Variants in CALCR observed in about 807,000 individuals in gnomAD.
CALCR encodes calcitonin receptor.
A neutral mutation model predicts 59.5 loss-of-function variants in CALCR; 47 were observed. That is an observed-to-expected ratio of 0.79 (90% confidence interval 0.63 to 1.01). CALCR has a LOEUF of 1.01. Ranked by LOEUF, CALCR falls within the 50% of genes least tolerant of loss-of-function variation. CALCR has a pLI of 0.00. For missense variants in CALCR, 566 were observed against 597.1 expected, an observed-to-expected ratio of 0.95 and a Z score of 0.54; for synonymous variants, 213 against 211.3, an observed-to-expected ratio of 1.01 and a Z score of -0.07.
chr7:93,443,430 T>C (rs933353292), intron 9 of CALCR, among the ~76,000 whole-genome samples, 174 bp downstream of exon 9: 7 of 152,068 alleles, frequency 4.6e-5, no homozygotes, highest in Non-Finnish European at 8.8e-5. Context: ...TTGAGATTGT[T>C]AAAGGGCTTC....
Position 93,528,934 on chromosome 7 carries a change from T to A in CALCR, c.-26-41927A>T, listed in dbSNP as rs140663207. Among the ~76,000 whole-genome samples the A allele has an allele frequency of 2.2e-3, 329 of 152,314 alleles. 5 individuals carry two copies. Among genetic ancestry groups the A allele is most frequent in the African/African-American group, 7.5e-3 (311 of 41,574 alleles). On this transcript the variant is annotated intron_variant, in intron 2 of 13. Transcript: ENST00000426151. Reference sequence around the variant, plus strand: ...AATTTGGCTTTATTTCTGTAAGAAATCTTGGTCTTCAATTTATTTTGTAGT... The same window carrying A: ...AATTTGGCTTTATTTCTGTAAGAAAACTTGGTCTTCAATTTATTTTGTAGT...
rs1801126920 is a variant in CALCR, at chr7:93,493,372, G to C, written c.-26-6365C>G. On this transcript the variant is annotated intron_variant, in intron 2 of 13. Coordinates refer to ENST00000426151, the MANE Select transcript of CALCR (RefSeq NM_001742.4). ...TTCCACAATTATCCATGAATTGTAT[G>C]AATGAGAAAGTTGGGATCATTCCTG... Among the ~76,000 whole-genome samples the C allele has an allele frequency of 2.0e-5, 3 of 151,334 alleles. No homozygotes were observed. In the Admixed American group the frequency reaches 2.0e-4, roughly 10 times the overall value.
At chr7:93,496,043 G>A in intron 2 of CALCR, 1 of 800,682 alleles carries the variant, frequency 1.2e-6, no homozygotes, top group Non-Finnish European at 1.9e-6. Context: ...TCATGTAAGG[G>A]GAACAAATTT....
chr7:93,435,730 C>T lies in CALCR; in HGVS notation c.1149+222G>A, dbSNP rs1044741801. Among the ~76,000 whole-genome samples the T allele has an allele frequency of 6.0e-5, 9 of 151,178 alleles. No homozygotes were observed. The East Asian group carries it at 9.7e-4, about 16-fold the overall frequency. ...CTGAGGTGGGAGAATTGCTTGAGCC[C>T]GGGAGATGGAGGTTGCAGTGAGTTG... On this transcript the variant is annotated intron_variant, in intron 12 of 13. Transcript: ENST00000426151.
chr7:93,509,552 G>T (rs1019015845), intron 2 of CALCR, among the ~76,000 whole-genome samples: 1 of 152,084 alleles, frequency 6.6e-6, no homozygotes, highest in Non-Finnish European at 1.5e-5. Flanking sequence ...GAGGCCAACT[G>T]CTTTCAAAGC....
At chr7:93,457,972 C>T (rs1254202514) in intron 8 of CALCR, among the ~76,000 whole-genome samples, 6 of 152,060 alleles carry the variant, frequency 3.9e-5, no homozygotes, top group South Asian at 4.2e-4. Flanking sequence ...TTACTCTCAC[C>T]GAGCCTCGGT....
intron 2 of CALCR, among the ~76,000 whole-genome samples, chr7:93,563,136 C>T (rs568048677): frequency 1.3e-5 from 2 of 152,080 alleles, no homozygotes; most frequent in Non-Finnish European, 2.9e-5. Context: ...ACACAGAGTG[C>T]CAAGGTAGTC....
chr7:93,502,423 GC>G (rs1190063730), intron 2 of CALCR, among the ~76,000 whole-genome samples: 1 of 151,980 alleles, frequency 6.6e-6, no homozygotes, highest in Non-Finnish European at 1.5e-5. Flanking sequence ...AAATAAACAT[GC>G]CCATTGAAAA....
intron 2 of CALCR, among the ~76,000 whole-genome samples, chr7:93,526,800 TA>T (rs1290176759): frequency 6.6e-6 from 1 of 152,098 alleles, no homozygotes; most frequent in East Asian, 1.9e-4. Flanking sequence ...TTCAACAACA[TA>T]GTTACTTATG....
intron 13 of CALCR, among the ~76,000 whole-genome samples, chr7:93,433,681 T>C (rs939750169): frequency 1.3e-5 from 2 of 152,144 alleles, no homozygotes; most frequent in Non-Finnish European, 2.9e-5. Context: ...CAAGATTTGG[T>C]TGGAAGAAAG....
chr7:93,507,939 A>C (rs1341282776), intron 2 of CALCR, among the ~76,000 whole-genome samples: 6 of 151,798 alleles, frequency 4.0e-5, no homozygotes, highest in African/African-American at 1.5e-4. Context: ...AAAGAAAAAA[A>C]AAAGAAAAAA....
At chr7:93,502,763 G>A (rs943729390) in intron 2 of CALCR, among the ~76,000 whole-genome samples, 2 of 151,992 alleles carry the variant, frequency 1.3e-5, no homozygotes, top group Non-Finnish European at 2.9e-5. Context: ...ATACTCTGCA[G>A]CCATTAAAAA....
intron 13 of CALCR, among the ~76,000 whole-genome samples, chr7:93,430,943 A>G (rs1366154304): frequency 6.6e-6 from 1 of 152,228 alleles, no homozygotes; most frequent in Non-Finnish European, 1.5e-5. Context: ...TGTATTGAAA[A>G]TCAGGCTTTA....
At chr7:93,550,567 T>G (rs945405333) in intron 2 of CALCR, among the ~76,000 whole-genome samples, 1 of 125,716 alleles carries the variant, frequency 8.0e-6, no homozygotes, top group African/African-American at 3.2e-5. Context: ...GAATTCACAA[T>G]AATTATAACC....
intron 2 of CALCR, among the ~76,000 whole-genome samples, chr7:93,543,801 C>CAAATTAATCTATCAAATTGTTATCAA (rs1789209444): frequency 1.3e-5 from 2 of 151,918 alleles, no homozygotes; most frequent in Non-Finnish European, 2.9e-5. Context: ...TTATAACACA[C>CAAATTAATCTATCAAATTGTTATCAA]ATTAGTCTAT....
intron 8 of CALCR, among the ~76,000 whole-genome samples, chr7:93,450,743 G>A (rs1800092600): frequency 6.6e-6 from 1 of 151,894 alleles, no homozygotes; most frequent in African/African-American, 2.4e-5. Context: ...TTCAGGGTTT[G>A]TAGTTGTTAT....
chr7:93,533,365 C>T (rs550646001), intron 2 of CALCR, among the ~76,000 whole-genome samples: 10 of 151,978 alleles, frequency 6.6e-5, no homozygotes, highest in East Asian at 3.9e-4. Context: ...AATGGCTTGG[C>T]GCCAATCATC....
At chr7:93,512,026 ACTT>A (rs997549933) in intron 2 of CALCR, among the ~76,000 whole-genome samples, 2 of 152,158 alleles carry the variant, frequency 1.3e-5, no homozygotes, top group African/African-American at 4.8e-5. Flanking sequence ...CAGTTGGAAT[ACTT>A]CTTTCACTTA....
intron 2 of CALCR, among the ~76,000 whole-genome samples, chr7:93,554,220 T>C (rs1789535464): frequency 1.3e-5 from 2 of 152,214 alleles, no homozygotes; most frequent in South Asian, 4.1e-4. Context: ...TAAGCCATCA[T>C]GAAAATTAGT....
Sources: allele counts gnomAD v4.1 joint callset (sites outside exome capture counted in the v4.1 genomes callset), GRCh38; gene constraint gnomAD v4.1.1; transcripts MANE v1.5; gene names NCBI Gene and HGNC (gene_info 2026-07-23, HGNC 2026-07-21).